Variants in MME observed in about 807,000 individuals in gnomAD.
MME encodes neprilysin.
A neutral mutation model predicts 113.2 loss-of-function variants in MME; 98 were observed. The ratio of observed to expected loss-of-function variants is 0.87; its 90% confidence interval spans 0.74 to 1.02. The LOEUF is 1.02. Ranked by LOEUF, MME falls within the 50% of genes least tolerant of loss-of-function variation. The pLI, the probability that MME is intolerant of heterozygous loss-of-function variation, is 0.00. For synonymous variants in MME, 292 were observed against 300.6 expected (o/e 0.97, Z 0.30); for missense variants, 836 against 896.0 (o/e 0.93, Z 0.86).
intron 3 of MME, among the ~76,000 whole-genome samples, chr3:155,109,018 G>A (rs924819521): frequency 1.2e-4 from 19 of 152,270 alleles, no homozygotes; most frequent in African/African-American, 4.3e-4. Context: ...ATGTCTAATC[G>A]TGTCTAGCAG....
chr3:155,133,259 T>A (rs1720316406), intron 8 of MME, among the ~76,000 whole-genome samples: 1 of 151,626 alleles, frequency 6.6e-6, no homozygotes, highest in Non-Finnish European at 1.5e-5. Flanking sequence ...GGAAAGATAG[T>A]CATGATACTA....
At chr3:155,029,498 G>T (rs953314240) in intron 1 of MME, among the ~76,000 whole-genome samples, 1 of 149,996 alleles carries the variant, frequency 6.7e-6, no homozygotes, top group Admixed American at 6.7e-5. Flanking sequence ...TTTTATATTT[G>T]CATCAAGACT....
chr3:155,089,850 C>A, intron 3 of MME: 1 of 453,000 alleles, frequency 2.2e-6, no homozygotes, highest in Non-Finnish European at 4.4e-6. Context: ...TAGCACGCGC[C>A]TATAATCCCA....
At position 155,180,448 on chromosome 3, in the gene MME, CG is replaced by C; in HGVS notation, c.2245del (p.Val749PhefsTer25). ...ATACATGAATCCAGAAAAGAAGTGC[CG>C]GGTTTGGTGATCTTCAAAAGAAGCA... Reference protein sequence around the residue: ...NSYMNPEKKCRVW With the variant: ...NSYMNPEKKCXVW On this transcript the variant is annotated frameshift_variant, in exon 23 of 23. Coordinates refer to ENST00000360490, the MANE Select transcript of MME (RefSeq NM_007289.4). LOFTEE classifies it high-confidence loss of function. 6.2e-7 allele frequency: 1 copy of C among 1,612,800 alleles called. No individual in the cohort carries two copies. Among genetic ancestry groups the C allele is most frequent in the South Asian group, 1.1e-5 (1 of 91,042 alleles).
At chr3:155,073,092 G>C (rs147120193) in intron 1 of MME, among the ~76,000 whole-genome samples, 140 of 152,224 alleles carry the variant, frequency 9.2e-4, no homozygotes, top group Non-Finnish European at 1.7e-3. Context: ...AAATTTTTCC[G>C]AGTTGTGGAA....
At chr3:155,170,043 T>C (rs951736814) in intron 20 of MME, among the ~76,000 whole-genome samples, 5 of 152,176 alleles carry the variant, frequency 3.3e-5, no homozygotes, top group East Asian at 1.9e-4. Context: ...CCAGACATTA[T>C]GCATTTTACC....
At chr3:155,024,431 C>G (rs1159839438) in intron 1 of MME, 4 of 152,200 alleles carry the variant, frequency 2.6e-5, no homozygotes, top group Admixed American at 2.6e-4. Context: ...TAGCATTTCA[C>G]TTTATGCAGC....
intron 4 of MME, 147 bp downstream of exon 4, chr3:155,115,302 A>T: frequency 1.1e-6 from 1 of 920,206 alleles, no homozygotes; most frequent in East Asian, 2.6e-5. Context: ...CCACCAAGTC[A>T]CTCTGATAGT....
Position 155,102,316 on chromosome 3 carries a change from G to A in MME, c.197-12678G>A, listed in dbSNP as rs1018256838. On this transcript the variant is annotated intron_variant, in intron 3 of 22. Transcript: ENST00000360490. ...TTATGGGCTAGTCATTGTGCTAGGC[G>A]TAGGAATTAGAATCCTTTCCCTGGG... Among the ~76,000 whole-genome samples, 10 of 152,202 alleles carry A rather than the reference G, an allele frequency of 6.6e-5. No individual in the cohort carries two copies. In the East Asian group the frequency reaches 7.7e-4, roughly 12 times the overall value.
intron 22 of MME, among the ~76,000 whole-genome samples, chr3:155,177,354 T>C (rs995686998): frequency 1.3e-5 from 2 of 152,230 alleles, no homozygotes; most frequent in Non-Finnish European, 2.9e-5. Context: ...AGCCAGTAGC[T>C]AGGCATCCTG....
At chr3:155,133,732 C>CAT (rs536608585) in intron 8 of MME, among the ~76,000 whole-genome samples, 1 of 127,938 alleles carries the variant, frequency 7.8e-6, no homozygotes, top group Non-Finnish European at 1.6e-5. Context: ...TGTATATATA[C>CAT]ATATATATGG....
intron 1 of MME, among the ~76,000 whole-genome samples, chr3:155,026,209 G>A (rs1712780064): frequency 6.6e-6 from 1 of 151,894 alleles, no homozygotes; most frequent in East Asian, 1.9e-4. Flanking sequence ...GGTGGGTGGA[G>A]TTGTTTTAAG....
At chr3:155,161,469 T>G (rs1161562079) in intron 17 of MME, among the ~76,000 whole-genome samples, 1 of 152,096 alleles carries the variant, frequency 6.6e-6, no homozygotes, top group African/African-American at 2.4e-5. Flanking sequence ...AGATTAGAAA[T>G]TATAAAAAAT....
At chr3:155,085,918 A>G (rs1031624363) in intron 3 of MME, among the ~76,000 whole-genome samples, 2 of 152,184 alleles carry the variant, frequency 1.3e-5, no homozygotes, top group African/African-American at 4.8e-5. Flanking sequence ...GAAAGAAACT[A>G]TGTTATTGAG....
chr3:155,175,241 G>T (rs1185165665), intron 22 of MME, among the ~76,000 whole-genome samples: 1 of 151,662 alleles, frequency 6.6e-6, no homozygotes, highest in East Asian at 1.9e-4. Flanking sequence ...GATGCTTTTT[G>T]ACTTATTTTG....
intron 7 of MME, among the ~76,000 whole-genome samples, chr3:155,117,959 C>G (rs1462206925): frequency 6.6e-6 from 1 of 152,186 alleles, no homozygotes; most frequent in African/African-American, 2.4e-5. Flanking sequence ...GGCCTCCACA[C>G]TCATGTTGCC....
At chr3:155,163,106 C>T (rs1393365721) in intron 17 of MME, among the ~76,000 whole-genome samples, 2 of 151,024 alleles carry the variant, frequency 1.3e-5, no homozygotes, top group Non-Finnish European at 2.9e-5. Context: ...GCAACACTGT[C>T]TTAATGGATT....
intron 8 of MME, among the ~76,000 whole-genome samples, chr3:155,134,514 C>A (rs760296437): frequency 6.6e-6 from 1 of 152,024 alleles, no homozygotes; most frequent in Non-Finnish European, 1.5e-5. Context: ...TGTATATGTA[C>A]CACATTTTCT....
chr3:155,031,146 C>T (rs1307502729), intron 1 of MME, among the ~76,000 whole-genome samples: 1 of 152,060 alleles, frequency 6.6e-6, no homozygotes, highest in African/African-American at 2.4e-5. Context: ...TGAATGTTAA[C>T]ATTTTACAGA....
Sources: allele counts gnomAD v4.1 joint callset (sites outside exome capture counted in the v4.1 genomes callset), GRCh38; gene constraint gnomAD v4.1.1; transcripts MANE v1.5; gene names NCBI Gene and HGNC (gene_info 2026-07-23, HGNC 2026-07-21).